ERBB4: variants seen among roughly 807,000 people sequenced by gnomAD.
ERBB4 encodes erb-b2 receptor tyrosine kinase 4, also known as receptor tyrosine-protein kinase erbB-4.
Under a neutral mutation model 158.0 loss-of-function variants are expected in ERBB4, and 42 were observed. The observed-to-expected ratio is 0.27, with a 90% CI of 0.21 to 0.34. The LOEUF is 0.34. Ranked by LOEUF, ERBB4 falls within the 10% of genes least tolerant of loss-of-function variation. The pLI, the probability that ERBB4 is intolerant of heterozygous loss-of-function variation, is 1.00. For missense variants in ERBB4, 1,333 were observed against 1,624.1 expected, an observed-to-expected ratio of 0.82 and a Z score of 3.08; for synonymous variants, 583 against 558.7, an observed-to-expected ratio of 1.04 and a Z score of -0.61.
At chr2:212,235,170 G>A (rs1305157264) in intron 1 of ERBB4, among the ~76,000 whole-genome samples, 2 of 152,048 alleles carry the variant, frequency 1.3e-5, no homozygotes, top group African/African-American at 4.8e-5. Context: ...TAAGGAAGGG[G>A]TCCAATTTCA....
At chr2:212,291,264 A>C (rs1048758467) in intron 1 of ERBB4, among the ~76,000 whole-genome samples, 2 of 152,166 alleles carry the variant, frequency 1.3e-5, no homozygotes, top group Non-Finnish European at 2.9e-5. Context: ...CCTATAGCCC[A>C]TGGCAACAAT....
chr2:211,825,734 G>T lies in ERBB4; in HGVS notation c.422-37575C>A, dbSNP rs574416365. Among the ~76,000 whole-genome samples the T allele has an allele frequency of 2.7e-3, 391 of 147,254 alleles. 2 individuals are homozygous for T. The highest frequency in any genetic ancestry group is 3.6e-3 in the Middle Eastern group (1 of 274). The stretch of plus-strand genomic sequence containing the variant: ...TAAATATGATGTTTAAAACAGTCCT[G>T]GTAGAAATGTAATATATTTGTCATT... On this transcript the variant is annotated intron_variant, in intron 3 of 27. Coordinates refer to ENST00000342788, the MANE Select transcript of ERBB4 (RefSeq NM_005235.3).
intron 3 of ERBB4, among the ~76,000 whole-genome samples, chr2:211,813,305 A>G (rs1575183813): frequency 1.3e-5 from 2 of 152,352 alleles, no homozygotes; most frequent in South Asian, 4.1e-4. Context: ...GATTAGGGTA[A>G]CATGCTGCCA....
intron 3 of ERBB4, among the ~76,000 whole-genome samples, chr2:211,899,673 GA>G (rs2079183874): frequency 6.6e-6 from 1 of 152,068 alleles, no homozygotes; most frequent in Non-Finnish European, 1.5e-5. Context: ...AAATTTTCAA[GA>G]GGGGCCAAGA....
chr2:211,828,881 A>C (rs1253336159), intron 3 of ERBB4, among the ~76,000 whole-genome samples: 1 of 152,016 alleles, frequency 6.6e-6, no homozygotes, highest in African/African-American at 2.4e-5. Context: ...TTCTGGGAGC[A>C]CTGTTGCCAC....
chr2:211,510,371 C>T (rs1308561058), intron 20 of ERBB4, among the ~76,000 whole-genome samples: 1 of 152,006 alleles, frequency 6.6e-6, no homozygotes, highest in East Asian at 1.9e-4. Flanking sequence ...GTACAAAGTT[C>T]ACTATTTAGT....
chr2:212,425,136 G>A (rs1443108758), intron 1 of ERBB4, among the ~76,000 whole-genome samples: 9 of 151,334 alleles, frequency 5.9e-5, no homozygotes, highest in Admixed American at 5.9e-4. Context: ...CTAAAGTCAA[G>A]AATTTAATTT....
chr2:211,888,967 G>A (rs989834497), intron 3 of ERBB4, among the ~76,000 whole-genome samples: 2 of 150,576 alleles, frequency 1.3e-5, no homozygotes, highest in African/African-American at 2.5e-5. Context: ...CAGCGAGGCT[G>A]GGGGAGGGGC....
chr2:211,644,072 T>A (rs1391756887), intron 16 of ERBB4, among the ~76,000 whole-genome samples: 1 of 151,972 alleles, frequency 6.6e-6, no homozygotes, highest in Non-Finnish European at 1.5e-5. Flanking sequence ...AGATTGGAAG[T>A]AACCCAAGGA....
chr2:211,432,690 A>G (rs544638097), intron 20 of ERBB4, among the ~76,000 whole-genome samples: 1 of 152,302 alleles, frequency 6.6e-6, no homozygotes, highest in African/African-American at 2.4e-5. Flanking sequence ...CCTTTAACAA[A>G]TGTTCATGAA....
At chr2:212,350,632 C>G (rs1328130323) in intron 1 of ERBB4, among the ~76,000 whole-genome samples, 2 of 152,008 alleles carry the variant, frequency 1.3e-5, no homozygotes, top group Non-Finnish European at 1.5e-5. Context: ...GATATTAAGT[C>G]GTTCAAATCT....
intron 20 of ERBB4, among the ~76,000 whole-genome samples, chr2:211,524,395 G>A (rs939653248): frequency 1.4e-4 from 21 of 151,956 alleles, no homozygotes; most frequent in Middle Eastern, 3.4e-3. Flanking sequence ...CAGCCCTTGG[G>A]TGGTCAATGG....
intron 1 of ERBB4, among the ~76,000 whole-genome samples, chr2:212,379,942 C>T (rs75945325): frequency 0.018 from 2,755 of 151,252 alleles, 72 homozygotes; most frequent in East Asian, 0.066. Flanking sequence ...ATAAATGTAC[C>T]GCAAAGTCAC....
intron 3 of ERBB4, among the ~76,000 whole-genome samples, chr2:211,877,773 T>C (rs1002282071): frequency 6.6e-6 from 1 of 152,218 alleles, no homozygotes; most frequent in Non-Finnish European, 1.5e-5. Flanking sequence ...AATATTTTTA[T>C]TTACATTGTA....
chr2:211,380,771 G>A lies in ERBB4; in HGVS notation c.*2844C>T. Reference sequence around the variant, plus strand: ...TGGATTATTCCTACATGCATCTCTAGGTATTACCCAACATGTAGAAGTCTT... The same window carrying A: ...TGGATTATTCCTACATGCATCTCTAAGTATTACCCAACATGTAGAAGTCTT... On this transcript the variant is annotated 3_prime_UTR_variant, in exon 28 of 28. Coordinates refer to ENST00000342788, the MANE Select transcript of ERBB4 (RefSeq NM_005235.3). The A allele has an allele frequency of 4.3e-6, 1 of 231,748 alleles. No individual in the cohort carries two copies. Among genetic ancestry groups the A allele is most frequent in the Non-Finnish European group, 8.5e-6 (1 of 117,204 alleles). 14.4% of individuals were successfully genotyped at this position (231,748 alleles called of 1,614,324 possible).
chr2:211,779,254 T>A (rs2075975812), intron 4 of ERBB4: 1 of 152,214 alleles, frequency 6.6e-6, no homozygotes, highest in Non-Finnish European at 1.5e-5. Context: ...TTCTGTGCCC[T>A]ACGATTAATT....
At chr2:211,660,052 A>T (rs1325505473) in intron 15 of ERBB4, among the ~76,000 whole-genome samples, 5 of 152,236 alleles carry the variant, frequency 3.3e-5, no homozygotes, top group Non-Finnish European at 5.9e-5. Context: ...GTATATACAA[A>T]ACAACTACAA....
chr2:211,611,555 G>C lies in ERBB4; in HGVS notation c.2301+7622C>G, dbSNP rs377727048. ...CATTCCTTGAAACCCGTGAGACCAC[G>C]AACCCTTCGATGAAGAAAAACCTTC... On this transcript the variant is annotated intron_variant, in intron 19 of 27. Coordinates refer to ENST00000342788, the MANE Select transcript of ERBB4 (RefSeq NM_005235.3). Among the ~76,000 whole-genome samples, 75 of 151,412 alleles carry C rather than the reference G, an allele frequency of 5.0e-4. 2 individuals are homozygous for C. Among genetic ancestry groups the C allele is most frequent in the African/African-American group, 1.7e-3 (69 of 40,858 alleles).
intron 3 of ERBB4, among the ~76,000 whole-genome samples, chr2:211,942,266 A>G (rs1427278560): frequency 1.3e-5 from 2 of 152,124 alleles, no homozygotes; most frequent in African/African-American, 2.4e-5. Flanking sequence ...TTCAAGTGTA[A>G]TGTTCAGATA....
Sources: allele counts gnomAD v4.1 joint callset (sites outside exome capture counted in the v4.1 genomes callset), GRCh38; gene constraint gnomAD v4.1.1; transcripts MANE v1.5; gene names NCBI Gene and HGNC (gene_info 2026-07-23, HGNC 2026-07-21).